Variants in CPNE4 observed in about 807,000 individuals in gnomAD.
CPNE4 encodes copine 4.
A neutral mutation model predicts 67.9 loss-of-function variants in CPNE4; 25 were observed. That is an observed-to-expected ratio of 0.37 (90% confidence interval 0.27 to 0.51). The LOEUF (loss-of-function observed/expected upper bound fraction) is 0.51. Ranked by LOEUF, CPNE4 falls within the 20% of genes least tolerant of loss-of-function variation. The probability of loss-of-function intolerance (pLI) is 0.93; values close to 1 mark genes in which losing one functional copy is unlikely to be tolerated. For synonymous variants in CPNE4, 242 were observed against 244.9 expected (o/e 0.99, Z 0.11); for missense variants, 464 against 690.8 (o/e 0.67, Z 3.68).
At chr3:132,031,066 A>G (rs903493907) in intron 1 of CPNE4, among the ~76,000 whole-genome samples, 1 of 151,818 alleles carries the variant, frequency 6.6e-6, no homozygotes, top group Non-Finnish European at 1.5e-5. Flanking sequence ...AAAATATTAT[A>G]AGATTTTGGG....
chr3:131,787,274 T>C (rs1397376001), intron 2 of CPNE4, among the ~76,000 whole-genome samples: 26 of 152,044 alleles, frequency 1.7e-4, no homozygotes, highest in Admixed American at 1.6e-3. Flanking sequence ...TGAAGTAGAT[T>C]TAGGGGGTTA....
At chr3:131,595,542 G>A (rs2107713948) in intron 7 of CPNE4, among the ~76,000 whole-genome samples, 1 of 152,290 alleles carries the variant, frequency 6.6e-6, no homozygotes, top group Admixed American at 6.5e-5. Context: ...GCTGCCATCT[G>A]CTTCTGGTGA....
intron 1 of CPNE4, among the ~76,000 whole-genome samples, chr3:132,023,995 G>A (rs1288619826): frequency 6.6e-6 from 1 of 152,048 alleles, no homozygotes; most frequent in Non-Finnish European, 1.5e-5. Context: ...AGTTCTTAAC[G>A]GGTAAACTGC....
chr3:131,826,416 T>G (rs550241489), intron 2 of CPNE4, among the ~76,000 whole-genome samples: 3 of 152,268 alleles, frequency 2.0e-5, no homozygotes, highest in African/African-American at 7.2e-5. Flanking sequence ...CAGGCTGCTC[T>G]CAAACTCCTA....
At chr3:131,747,119 T>G (rs59727330) in intron 2 of CPNE4, among the ~76,000 whole-genome samples, 132 of 1,344 alleles carry the variant, frequency 0.098, no homozygotes, top group East Asian at 0.3. Context: ...TAAAATCATG[T>G]TTTTTTTTTT....
chr3:131,975,076 G>C (rs925834345), intron 1 of CPNE4, among the ~76,000 whole-genome samples: 1 of 151,942 alleles, frequency 6.6e-6, no homozygotes, highest in African/African-American at 2.4e-5. Context: ...TTCAAAATTC[G>C]TATTATTCAT....
At chr3:131,822,069 A>G (rs1223399455) in intron 2 of CPNE4, among the ~76,000 whole-genome samples, 3 of 152,252 alleles carry the variant, frequency 2.0e-5, no homozygotes, top group African/African-American at 7.2e-5. Flanking sequence ...AGAGAAAAAA[A>G]TTAATTCTTA....
At chr3:131,813,110 G>A (rs1467835788) in intron 2 of CPNE4, among the ~76,000 whole-genome samples, 1 of 151,892 alleles carries the variant, frequency 6.6e-6, no homozygotes, top group Non-Finnish European at 1.5e-5. Flanking sequence ...CCTATAAATG[G>A]CAATTTCACA....
intron 1 of CPNE4, among the ~76,000 whole-genome samples, chr3:131,992,588 C>T (rs899895165): frequency 7.4e-6 from 1 of 135,736 alleles, no homozygotes; most frequent in Non-Finnish European, 1.7e-5. Context: ...TGGGTTAATG[C>T]TGGAATGAGC....
chr3:131,754,518 TAG>T (rs908117394), intron 2 of CPNE4, among the ~76,000 whole-genome samples: 13 of 152,290 alleles, frequency 8.5e-5, no homozygotes, highest in African/African-American at 3.1e-4. Flanking sequence ...ATACCAAATA[TAG>T]ATATACTATC....
intron 4 of CPNE4, 52 bp downstream of exon 4, chr3:131,699,857 C>A: frequency 1.3e-6 from 2 of 1,526,598 alleles, no homozygotes; most frequent in South Asian, 1.2e-5. Context: ...GCTGGCCAGT[C>A]CGCCCAGGCT....
intron 7 of CPNE4, among the ~76,000 whole-genome samples, chr3:131,605,755 T>C (rs1370603108): frequency 6.6e-6 from 1 of 152,224 alleles, no homozygotes; most frequent in East Asian, 1.9e-4. Flanking sequence ...TCAATATCTA[T>C]GTAGATGTTG....
chr3:131,844,407 C>T (rs2085915010), intron 2 of CPNE4, among the ~76,000 whole-genome samples: 1 of 152,068 alleles, frequency 6.6e-6, no homozygotes, highest in African/African-American at 2.4e-5. Flanking sequence ...GCTGGGACTA[C>T]AGGCGCCTGC....
At chr3:131,574,211 G>A (rs931350085) in intron 10 of CPNE4, among the ~76,000 whole-genome samples, 2 of 152,126 alleles carry the variant, frequency 1.3e-5, no homozygotes, top group Admixed American at 1.3e-4. Context: ...TCTGTAAGAT[G>A]AGAAATAAAT....
intron 2 of CPNE4, among the ~76,000 whole-genome samples, chr3:131,738,189 C>A (rs1298086173): frequency 1.3e-5 from 2 of 152,224 alleles, no homozygotes; most frequent in African/African-American, 4.8e-5. Context: ...TGGAGACATT[C>A]CTGCCCCAGC....
rs185426042 is a variant in CPNE4 at position 131,826,998 on chromosome 3, T to C, written c.180+78266A>G. On this transcript the variant is annotated intron_variant, in intron 2 of 15. Coordinates refer to ENST00000429747, the MANE Select transcript of CPNE4 (RefSeq NM_130808.3). ...GTTGCAGTGAGCTTCTGTGATTGCATCACTGCACTCCATCCTGGGTGACAG... is the reference window on the plus strand; with the variant it reads ...GTTGCAGTGAGCTTCTGTGATTGCACCACTGCACTCCATCCTGGGTGACAG... Among the ~76,000 whole-genome samples, 13 of 152,148 alleles carry C rather than the reference T, an allele frequency of 8.5e-5. 1 individual carries two copies. In the East Asian group the frequency reaches 1.9e-3, roughly 23 times the overall value.
intron 8 of CPNE4, among the ~76,000 whole-genome samples, 166 bp downstream of exon 8, chr3:131,587,318 G>C (rs1347013786): frequency 1.3e-5 from 2 of 152,168 alleles, no homozygotes; most frequent in Admixed American, 1.3e-4. Flanking sequence ...CAATTGCTTT[G>C]GGTTGGGCTA....
At chr3:131,705,139 A>AT (rs1448938282) in intron 3 of CPNE4, among the ~76,000 whole-genome samples, 4 of 146,234 alleles carry the variant, frequency 2.7e-5, no homozygotes, top group African/African-American at 1.0e-4. Context: ...ATTTTTATTC[A>AT]TTTTTCAAGC....
chr3:131,617,856 C>G (rs935852738), intron 7 of CPNE4, among the ~76,000 whole-genome samples: 3 of 152,112 alleles, frequency 2.0e-5, no homozygotes, highest in African/African-American at 7.2e-5. Flanking sequence ...TCACTGTGAC[C>G]ATTTTCTTCA....
Sources: gnomAD v4.1 joint callset for allele counts (sites outside exome capture counted in the v4.1 genomes callset) on GRCh38, gnomAD v4.1.1 for gene constraint, MANE v1.5 for transcripts, NCBI Gene and HGNC (gene_info 2026-07-23, HGNC 2026-07-21) for gene names.